Variants in MICB observed in about 807,000 individuals in gnomAD.
MICB encodes the protein MHC class I antigen-related protein B.
A neutral mutation model predicts 34.3 loss-of-function variants in MICB; 27 were observed. That is an observed-to-expected ratio of 0.79 (90% CI 0.58 to 1.08). The LOEUF is 1.08. Among genes scored for constraint, MICB ranks in the 50% least tolerant of loss-of-function variants. The pLI is 0.00. For missense variants in MICB, 426 were observed against 483.1 expected, an observed-to-expected ratio of 0.88 and a Z score of 1.11; for synonymous variants, 153 against 187.4, an observed-to-expected ratio of 0.82 and a Z score of 1.50.
At chr6:31,498,422 G>A (rs1764803505) in intron 1 of MICB, among the ~76,000 whole-genome samples, 159 bp downstream of exon 1, 2 of 136,156 alleles carry the variant, frequency 1.5e-5, no homozygotes, top group Non-Finnish European at 3.2e-5. Context: ...CCACACCTCA[G>A]CCCTGCTTTC....
intron 1 of MICB, among the ~76,000 whole-genome samples, chr6:31,499,931 C>T (rs1764931004): frequency 6.8e-6 from 1 of 147,366 alleles, no homozygotes; most frequent in Non-Finnish European, 1.5e-5. Context: ...CCAAGCCCCA[C>T]CCTCCCCCAG....
chr6:31,497,713 G>C (rs2534673), upstream of MICB, among the ~76,000 whole-genome samples: 47,872 of 151,908 alleles, frequency 0.32, 7,768 homozygotes, highest in Middle Eastern at 0.39. Flanking sequence ...AGTGTATTGG[G>C]AGAAAAACCA....
intron 3 of MICB, among the ~76,000 whole-genome samples, chr6:31,506,648 C>T (rs1221442118): frequency 1.3e-5 from 2 of 152,158 alleles, no homozygotes; most frequent in African/African-American, 2.4e-5. Context: ...AGCAGTGGGC[C>T]CTCTGACAGA....
intron 5 of MICB, among the ~76,000 whole-genome samples, chr6:31,508,468 G>A (rs1019076995): frequency 2.0e-5 from 3 of 152,186 alleles, no homozygotes; most frequent in Non-Finnish European, 4.4e-5. Context: ...AGGGGCGCTG[G>A]TTTCTCATCC....
chr6:31,495,396 T>C (rs1359994544), upstream of MICB, among the ~76,000 whole-genome samples: 2 of 152,112 alleles, frequency 1.3e-5, no homozygotes, highest in African/African-American at 2.4e-5. Context: ...TCCATCTGCC[T>C]CTCTGTCTCA....
At chr6:31,502,250 C>T (rs1364684812) in intron 1 of MICB, among the ~76,000 whole-genome samples, 3 of 152,162 alleles carry the variant, frequency 2.0e-5, no homozygotes, top group Admixed American at 6.5e-5. Flanking sequence ...GCAGGAGAAT[C>T]GCTTGAACCC....
At chr6:31,498,344 C>T in intron 1 of MICB, 81 bp downstream of exon 1, 1 of 1,211,536 alleles carries the variant, frequency 8.3e-7, no homozygotes, top group South Asian at 1.4e-5. Context: ...GCCGCGAGCG[C>T]TGTGCGGTCA....
chr6:31,506,262 G>A lies in MICB; in HGVS notation c.445G>A (p.Glu149Lys), dbSNP rs758218413. Reference protein sequence around the residue: ...LFLSQNLETQESTVPQSSRAQ... With the variant: ...LFLSQNLETQKSTVPQSSRAQ... Reference sequence around the variant, plus strand: ...CCTCTCCCAAAACCTGGAGACTCAAGAATCGACAGTGCCCCAGTCCTCCAG... The same window carrying A: ...CCTCTCCCAAAACCTGGAGACTCAAAAATCGACAGTGCCCCAGTCCTCCAG... The change falls in exon 3 of 6, where the codon GAA becomes AAA. Residue 149 changes from glutamate (E) to lysine (K), a missense_variant. Glu to Lys is a moderately conservative substitution (Grantham distance 56, BLOSUM62 1). Transcript: ENST00000252229. 15 of 1,614,186 alleles carry A rather than the reference G, an allele frequency of 9.3e-6. No homozygotes were observed. Among genetic ancestry groups the A allele is most frequent in the Non-Finnish European group, 1.3e-5 (15 of 1,180,036 alleles).
intron 5 of MICB, among the ~76,000 whole-genome samples, chr6:31,508,627 G>A (rs1216220582): frequency 2.6e-5 from 4 of 152,330 alleles, no homozygotes; most frequent in African/African-American, 4.8e-5. Flanking sequence ...CACCTGCGGC[G>A]TCTCCCGTGG....
chr6:31,505,534 T>C (rs1017652295), intron 1 of MICB, 83 bp from the exon 2 acceptor site: 48 of 1,566,744 alleles, frequency 3.1e-5, no homozygotes, highest in Non-Finnish European at 4.0e-5. Context: ...CTCAGGGAGG[T>C]CGGGACAGCA....
Position 31,509,946 on chromosome 6 carries a change from C to A in MICB, c.*37C>A. The A allele has an allele frequency of 6.4e-7, 1 of 1,562,362 alleles. No individual in the cohort carries two copies. The highest frequency in any genetic ancestry group is 8.7e-7 in the Non-Finnish European group (1 of 1,154,112). On this transcript the variant is annotated 3_prime_UTR_variant, in exon 6 of 6. Transcript: ENST00000252229. ...AGGCGGCCAGGATTCAACTCCCTGC[C>A]TGGATCTCACCAGCACTTTCCCTCT...
At chr6:31,508,800 C>T (rs966172712) in intron 5 of MICB, among the ~76,000 whole-genome samples, 1 of 152,192 alleles carries the variant, frequency 6.6e-6, no homozygotes, top group African/African-American at 2.4e-5. Flanking sequence ...GCTCTATAAT[C>T]TTAATAGGAT....
At chr6:31,506,456 C>G in intron 3 of MICB, 26 bp downstream of exon 3, 4 of 1,604,662 alleles carry the variant, frequency 2.5e-6, no homozygotes, top group Non-Finnish European at 3.4e-6. Flanking sequence ...AGGGGCTCTA[C>G]TGTTCCCGCA....
Position 31,506,008 on chromosome 6 carries a change from T to A in MICB, c.326-135T>A, listed in dbSNP as rs538934595. ...ATAGGGTCAGGGAGGCTCAGCAGGG[T>A]GGTGAGCCGGAACTCAGCCCACACA... On this transcript the variant is annotated intron_variant, in intron 2 of 5. Coordinates refer to ENST00000252229, the MANE Select transcript of MICB (RefSeq NM_005931.5). 1.7e-3 allele frequency: 2,514 copies of A among 1,474,538 alleles called. 46 individuals are homozygous for A. The South Asian group carries it at 0.027, about 16-fold the overall frequency. 91.3% of individuals were successfully genotyped at this position (1,474,538 alleles called of 1,614,324 possible).
intron 1 of MICB, among the ~76,000 whole-genome samples, chr6:31,502,988 A>G (rs1411972024): frequency 3.9e-5 from 6 of 152,228 alleles, no homozygotes; most frequent in Non-Finnish European, 2.9e-5. Context: ...TTCAGTATCA[A>G]TTGAAATGGT....
chr6:31,508,454 C>T (rs1028595999), intron 5 of MICB, among the ~76,000 whole-genome samples: 5 of 152,168 alleles, frequency 3.3e-5, no homozygotes, highest in Non-Finnish European at 4.4e-5. Context: ...CTGAGTCTGG[C>T]GGTAGGGGCG....
intron 1 of MICB, among the ~76,000 whole-genome samples, chr6:31,504,452 G>T (rs1464649820): frequency 2.0e-5 from 3 of 149,608 alleles, no homozygotes; most frequent in Non-Finnish European, 4.5e-5. Flanking sequence ...GTAGAGATAG[G>T]GTTTCACCAT....
rs1765393983 is a variant in MICB, at chr6:31,507,187, G to C, written c.779G>C (p.Gly260Ala). 1 of 1,614,128 alleles carries C rather than the reference G, an allele frequency of 6.2e-7. No homozygotes were observed. The highest frequency in any genetic ancestry group is 8.5e-7 in the Non-Finnish European group (1 of 1,180,020). ...TQQWGDVLPD[G>A]NGTYQTWVAT... ...CAGTGGGGGGATGTCCTGCCTGATGGGAATGGAACCTACCAGACCTGGGTG... is the reference window on the plus strand; with the variant it reads ...CAGTGGGGGGATGTCCTGCCTGATGCGAATGGAACCTACCAGACCTGGGTG... Residue 260 changes from glycine to alanine, a missense_variant, in exon 4 of 6, where the codon GGG becomes GCG. Physicochemically the swap from Gly to Ala is moderately conservative, Grantham distance 60. Transcript: ENST00000252229. This position sits in a 1 kb window ranked among gnomAD's most constrained non-coding sequence, Gnocchi z 6.0.
intron 1 of MICB, among the ~76,000 whole-genome samples, chr6:31,502,303 T>C (rs1765059454): frequency 6.6e-6 from 1 of 152,196 alleles, no homozygotes; most frequent in African/African-American, 2.4e-5. Flanking sequence ...ACCATTGCAC[T>C]CCAGCCTGGG....
Sources: allele counts gnomAD v4.1 joint callset (sites outside exome capture counted in the v4.1 genomes callset), GRCh38; gene constraint gnomAD v4.1.1; non-coding constraint Gnocchi (gnomAD v3.1); transcripts MANE v1.5; gene names NCBI Gene and HGNC (gene_info 2026-07-23, HGNC 2026-07-21).